Variants in DDHD1 observed in about 807,000 individuals in gnomAD.
DDHD1 encodes the protein phospholipase DDHD1.
Under a neutral mutation model 96.4 loss-of-function variants are expected in DDHD1, and 49 were observed. That is an observed-to-expected ratio of 0.51 (90% CI 0.40 to 0.64). DDHD1 has a LOEUF of 0.64. Among genes scored for constraint, DDHD1 ranks in the 30% least tolerant of loss-of-function variants. The pLI is 0.00. For synonymous variants in DDHD1, 442 were observed against 446.5 expected, an observed-to-expected ratio of 0.99 and a Z score of 0.13; for missense variants, 1,106 against 1,161.2, an observed-to-expected ratio of 0.95 and a Z score of 0.69.
chr14:53,078,330 G>T (rs943225029), intron 4 of DDHD1, among the ~76,000 whole-genome samples: 1 of 152,046 alleles, frequency 6.6e-6, no homozygotes, highest in Non-Finnish European at 1.5e-5. Flanking sequence ...GTATAAAGTG[G>T]TACCTTTAAA....
intron 5 of DDHD1, 83 bp from the exon 6 acceptor site, chr14:53,072,786 C>G (rs1884630641): frequency 1.3e-6 from 1 of 766,630 alleles, no homozygotes; most frequent in African/African-American, 1.7e-5. Flanking sequence ...ATTACGTTGC[C>G]TGAAATAGTA....
In DDHD1 at chr14:53,039,717, G is replaced by C. The variant is rs757743796; in HGVS notation, c.*7051C>G. The C allele has an allele frequency of 2.6e-5, 4 of 152,488 alleles. No homozygotes were observed. The highest frequency in any genetic ancestry group is 6.5e-5 in the Admixed American group (1 of 15,276). 9.4% of individuals were successfully genotyped at this position (152,488 alleles called of 1,614,324 possible). A position where few individuals can be genotyped will look rare whatever the true frequency, so the allele number is the denominator to read the frequency against. Reference sequence around the variant, plus strand: ...AGTTTGATTGTTGAAGGTAGGCAGTGGAGAAGCAGGCAGGAGAGTCAGGTT... The same window carrying C: ...AGTTTGATTGTTGAAGGTAGGCAGTCGAGAAGCAGGCAGGAGAGTCAGGTT... On this transcript the variant is annotated 3_prime_UTR_variant, in exon 13 of 13. Transcript: ENST00000673822.
intron 7 of DDHD1, chr14:53,061,405 AGTT>A (rs1883542548): frequency 2.3e-6 from 1 of 436,284 alleles, no homozygotes; most frequent in Non-Finnish European, 4.0e-6. Flanking sequence ...AAGTACCGCT[AGTT>A]GTCATGATAC....
chr14:53,090,821 T>C (rs1886372465), intron 4 of DDHD1, among the ~76,000 whole-genome samples: 1 of 151,952 alleles, frequency 6.6e-6, no homozygotes, highest in South Asian at 2.1e-4. Context: ...TGTATACATA[T>C]GTAACAATCC....
At chr14:53,109,580 T>C (rs1200113996) in intron 1 of DDHD1, among the ~76,000 whole-genome samples, 1 of 152,132 alleles carries the variant, frequency 6.6e-6, no homozygotes, top group Non-Finnish European at 1.5e-5. Context: ...TTTCTGTGTA[T>C]ATATATGTGT....
intron 1 of DDHD1, among the ~76,000 whole-genome samples, chr14:53,142,691 T>C (rs1228836384): frequency 6.6e-6 from 1 of 152,190 alleles, no homozygotes; most frequent in Admixed American, 6.5e-5. Flanking sequence ...AAAAAATTCC[T>C]CCTCTCCCAT....
intron 8 of DDHD1, 46 bp from the exon 9 acceptor site, chr14:53,058,672 A>C: frequency 6.4e-7 from 1 of 1,552,458 alleles, no homozygotes; most frequent in Non-Finnish European, 8.7e-7. Flanking sequence ...GTGAAGTGTT[A>C]TCTTTCAACA....
chr14:53,087,650 A>G (rs896770580), intron 4 of DDHD1, among the ~76,000 whole-genome samples: 3 of 152,256 alleles, frequency 2.0e-5, no homozygotes, highest in Non-Finnish European at 2.9e-5. Context: ...TCTCTGGGAC[A>G]CATTTAAAGC....
intron 4 of DDHD1, among the ~76,000 whole-genome samples, chr14:53,083,778 TTC>T (rs772678259): frequency 2.8e-4 from 42 of 152,190 alleles, no homozygotes; most frequent in Non-Finnish European, 5.9e-4. Flanking sequence ...TTTCCCATCT[TTC>T]TCTCTTTTAT....
chr14:53,056,376 C>CA (rs1883057601), intron 9 of DDHD1, among the ~76,000 whole-genome samples: 1 of 152,184 alleles, frequency 6.6e-6, no homozygotes, highest in African/African-American at 2.4e-5. Context: ...AATGAGACAG[C>CA]AGAAAAGGCA....
chr14:53,059,412 T>A (rs548589267), intron 8 of DDHD1, among the ~76,000 whole-genome samples: 1 of 151,208 alleles, frequency 6.6e-6, no homozygotes, highest in Non-Finnish European at 1.5e-5. Flanking sequence ...GCCCAGCTAA[T>A]TTTTTTGTAT....
intron 1 of DDHD1, among the ~76,000 whole-genome samples, chr14:53,133,408 T>C (rs1054633158): frequency 6.6e-6 from 1 of 152,208 alleles, no homozygotes; most frequent in Non-Finnish European, 1.5e-5. Context: ...TCCACCTCTA[T>C]ACAATCTGAT....
At chr14:53,082,107 A>G (rs1487862842) in intron 4 of DDHD1, among the ~76,000 whole-genome samples, 1 of 152,256 alleles carries the variant, frequency 6.6e-6, no homozygotes. Flanking sequence ...ATATTATACT[A>G]TACCTCAGAC....
chr14:53,051,290 T>C (rs1197216570), intron 12 of DDHD1, among the ~76,000 whole-genome samples: 2 of 151,852 alleles, frequency 1.3e-5, no homozygotes, highest in African/African-American at 4.8e-5. Context: ...TAGTGATACA[T>C]TTAGAATATA....
intron 4 of DDHD1, among the ~76,000 whole-genome samples, chr14:53,075,105 T>C (rs1240223432): frequency 1.3e-5 from 2 of 152,156 alleles, no homozygotes; most frequent in Non-Finnish European, 2.9e-5. Context: ...AATAATTCCA[T>C]ACTGGCCTCT....
At chr14:53,114,378 C>T (rs1344527625) in intron 1 of DDHD1, among the ~76,000 whole-genome samples, 1 of 152,196 alleles carries the variant, frequency 6.6e-6, no homozygotes, top group African/African-American at 2.4e-5. Flanking sequence ...TACAGTGCAC[C>T]AGCTCTGCTA....
intron 8 of DDHD1, among the ~76,000 whole-genome samples, chr14:53,060,000 T>C (rs1397557652): frequency 3.3e-5 from 5 of 151,462 alleles, no homozygotes; most frequent in Admixed American, 3.3e-4. Context: ...TTACAATGTA[T>C]GGTATATATT....
chr14:53,139,841 CA>C (rs1890518527), intron 1 of DDHD1, among the ~76,000 whole-genome samples: 1 of 54,650 alleles, frequency 1.8e-5, no homozygotes, highest in African/African-American at 6.6e-5. Context: ...GCCAAGAGAC[CA>C]CAAAAAAAAA....
At chr14:53,117,909 G>A (rs572359959) in intron 1 of DDHD1, among the ~76,000 whole-genome samples, 4 of 152,230 alleles carry the variant, frequency 2.6e-5, no homozygotes, top group South Asian at 2.1e-4. Flanking sequence ...AGTATTGGCC[G>A]ACAGACACCT....
Sources: allele counts gnomAD v4.1 joint callset (sites outside exome capture counted in the v4.1 genomes callset), GRCh38; gene constraint gnomAD v4.1.1; transcripts MANE v1.5; gene names NCBI Gene and HGNC (gene_info 2026-07-23, HGNC 2026-07-21).